Variants in BST1 observed in about 807,000 individuals in gnomAD.
The protein encoded by BST1 is ADP-ribosyl cyclase/cyclic ADP-ribose hydrolase 2.
A neutral mutation model predicts 40.6 loss-of-function variants in BST1; 49 were observed. That is an observed-to-expected ratio of 1.21 (90% confidence interval 0.96 to 1.53). BST1 has a LOEUF of 1.53. Ranked by LOEUF, BST1 falls within the 40% of genes most tolerant of loss-of-function variation. The probability of loss-of-function intolerance (pLI) is 0.00; values close to 1 mark genes in which losing one functional copy is unlikely to be tolerated. For missense variants in BST1, 423 were observed against 395.9 expected (o/e 1.07, Z -0.58); for synonymous variants, 157 against 159.3 (o/e 0.99, Z 0.11).
At chr4:15,733,677 G>A (rs1363478804), downstream of BST1, among the ~76,000 whole-genome samples, 1 of 152,182 alleles carries the variant, frequency 6.6e-6, no homozygotes, top group Non-Finnish European at 1.5e-5. Flanking sequence ...GAAGGAGGAA[G>A]GGAGTGAAGG....
chr4:15,770,951 A>T, the BST1 span, among the ~76,000 whole-genome samples: 1 of 152,190 alleles, frequency 6.6e-6, no homozygotes, highest in African/African-American at 2.4e-5. Flanking sequence ...CCCAAATAGC[A>T]AAGCCCACCC....
At chr4:15,735,588 C>T (rs1045168785), downstream of BST1, among the ~76,000 whole-genome samples, 30 of 152,160 alleles carry the variant, frequency 2.0e-4, no homozygotes, top group Non-Finnish European at 1.5e-5. Context: ...GGGAAGATGA[C>T]AAGCAGCATA....
At chr4:15,727,303 T>G (rs1721166943) in intron 8 of BST1, among the ~76,000 whole-genome samples, 1 of 152,200 alleles carries the variant, frequency 6.6e-6, no homozygotes. Flanking sequence ...TTCTTCCCTG[T>G]GTGTGGGCAT....
At chr4:15,763,251 C>A in the BST1 span, among the ~76,000 whole-genome samples, 1 of 151,374 alleles carries the variant, frequency 6.6e-6, no homozygotes, top group East Asian at 1.9e-4. Context: ...GAATATTTAT[C>A]CATGTATGTA....
the BST1 span, among the ~76,000 whole-genome samples, chr4:15,756,770 T>G: frequency 6.6e-6 from 1 of 152,144 alleles, no homozygotes; most frequent in Non-Finnish European, 1.5e-5. Context: ...TTCTGTGCAC[T>G]GGCTGTGCAA....
At chr4:15,723,526 G>T (rs1318899277) in intron 8 of BST1, 1 of 984,850 alleles carries the variant, frequency 1.0e-6, no homozygotes, top group Non-Finnish European at 1.2e-6. Flanking sequence ...GGGATTACAG[G>T]CGTAAGCCAC....
chr4:15,747,124 AC>A, the BST1 span, among the ~76,000 whole-genome samples: 12 of 152,268 alleles, frequency 7.9e-5, no homozygotes, highest in East Asian at 1.4e-3. Context: ...GGTTCCAGAC[AC>A]CAGTCTGGGA....
At chr4:15,735,560 G>A (rs1397275626), downstream of BST1, among the ~76,000 whole-genome samples, 1 of 152,198 alleles carries the variant, frequency 6.6e-6, no homozygotes. Flanking sequence ...TTGCTAGGGT[G>A]TGTGAGGGGA....
the BST1 span, among the ~76,000 whole-genome samples, chr4:15,767,460 C>T: frequency 6.6e-6 from 1 of 152,074 alleles, no homozygotes; most frequent in African/African-American, 2.4e-5. Flanking sequence ...CGTGCCGCCA[C>T]ACCCAGCTAA....
the BST1 span, among the ~76,000 whole-genome samples, chr4:15,759,060 C>T: frequency 0.035 from 5,318 of 152,042 alleles, 164 homozygotes; most frequent in Non-Finnish European, 0.055. Context: ...TGTGTGTCCT[C>T]AGTTAAGTTA....
chr4:15,736,465 C>T (rs1721570071), downstream of BST1, among the ~76,000 whole-genome samples: 1 of 152,004 alleles, frequency 6.6e-6, no homozygotes, highest in Non-Finnish European at 1.5e-5. Flanking sequence ...CAAAAATTAG[C>T]TGGGCGTGGT....
rs192646025 is a variant in BST1 at position 15,727,605 on chromosome 4, A to G, written c.852-4135A>G. Among the ~76,000 whole-genome samples the G allele has an allele frequency of 7.9e-5, 12 of 152,360 alleles. No individual in the cohort carries two copies. In the East Asian group the frequency reaches 2.3e-3, roughly 29 times the overall value. On this transcript the variant is annotated intron_variant, in intron 8 of 8. Coordinates refer to ENST00000265016, the MANE Select transcript of BST1 (RefSeq NM_004334.3). ...AAACTTTCTTGGCATACATTAAAAC[A>G]TAGCAGAAAAATGTTTTAGAGATGT... is the stretch of plus-strand genomic sequence containing the variant.
chr4:15,727,290 C>A (rs545555529), intron 8 of BST1, among the ~76,000 whole-genome samples: 2 of 152,200 alleles, frequency 1.3e-5, no homozygotes, highest in Non-Finnish European at 2.9e-5. Flanking sequence ...AGTTCCTGAC[C>A]TGTTCTTCCC....
chr4:15,756,883 T>A, the BST1 span, among the ~76,000 whole-genome samples: 1 of 152,214 alleles, frequency 6.6e-6, no homozygotes, highest in African/African-American at 2.4e-5. Flanking sequence ...CAAAATACAC[T>A]TCCTGGCATA....
chr4:15,738,138 C>T lies in BST1; in HGVS notation c.*364C>T, dbSNP rs148446355. 1,008 of 216,146 alleles carry T rather than the reference C, an allele frequency of 4.7e-3. 18 individuals are homozygous for T. Among genetic ancestry groups the T allele is most frequent in the African/African-American group, 0.021 (934 of 43,802 alleles). The allele number at this position is 216,146 out of a possible 1,614,324, so 13.4% of individuals were successfully genotyped here. On this transcript the variant is annotated 3_prime_UTR_variant, in exon 7 of 7. Transcript: ENST00000514445. ...CTGGGTGACCATGATGTTTCAATGT[C>T]GGTTCATTAGTTGTGACAAATGCAC...
chr4:15,722,670 C>T (rs1304782680), intron 7 of BST1, among the ~76,000 whole-genome samples: 1 of 148,996 alleles, frequency 6.7e-6, no homozygotes, highest in African/African-American at 2.5e-5. Context: ...TGGTCTCAAG[C>T]AGTCCTCCTG....
the BST1 span, among the ~76,000 whole-genome samples, chr4:15,751,044 C>T: frequency 0.016 from 2,438 of 152,196 alleles, 78 homozygotes; most frequent in African/African-American, 0.056. Context: ...CAAACAGTAA[C>T]ATTTAATTGA....
chr4:15,731,816 C>G lies in BST1; in HGVS notation c.928C>G (p.Leu310Val). 1.2e-6 allele frequency: 2 copies of G among 1,613,600 alleles called. No individual in the cohort carries two copies. The highest frequency in any genetic ancestry group is 1.7e-6 in the Non-Finnish European group (2 of 1,179,794). ...QRAGLIIPLF[L>V]VLASRTQL is the part of the protein sequence containing the mutation. ...GGCGGGTCTTATCATTCCCCTCTTT[C>G]TGGTGCTGGCTTCCAGGACTCAACT... The change falls in exon 9 of 9, where the codon CTG (leucine) becomes GTG (valine). Residue 310 changes from leucine (L) to valine (V), a missense_variant. Transcript: ENST00000265016.
chr4:15,707,864 T>TATATATATACAC, intron 3 of BST1, among the ~76,000 whole-genome samples: 1 of 145,114 alleles, frequency 6.9e-6, no homozygotes. Context: ...TCTATATATA[T>TATATATATACAC]ATATATATAT....
Sources: allele counts gnomAD v4.1 joint callset (sites outside exome capture counted in the v4.1 genomes callset), GRCh38; gene constraint gnomAD v4.1.1; transcripts MANE v1.5; gene names NCBI Gene and HGNC (gene_info 2026-07-23, HGNC 2026-07-21).